Variants in FAN1 observed in about 807,000 individuals in gnomAD.
The protein encoded by FAN1 is fanconi-associated nuclease 1.
FAN1 carries 91 observed loss-of-function variants against 104.9 expected under a neutral mutation model. The ratio of observed to expected loss-of-function variants is 0.87; its 90% confidence interval spans 0.73 to 1.03. FAN1 has a LOEUF of 1.03. Ranked by LOEUF, FAN1 falls within the 50% of genes least tolerant of loss-of-function variation. FAN1 has a pLI of 0.00. For missense variants in FAN1, 1,263 were observed against 1,239.9 expected (o/e 1.02, Z -0.28); for synonymous variants, 478 against 457.6 (o/e 1.04, Z -0.57).
chr15:30,940,608 T>C, intron 14 of FAN1: 1 of 985,478 alleles, frequency 1.0e-6, no homozygotes, highest in Non-Finnish European at 1.2e-6. Flanking sequence ...TTGGCATAGA[T>C]GGCACTCTCC....
intron 13 of FAN1, among the ~76,000 whole-genome samples, chr15:30,932,341 T>C (rs1224292714): frequency 6.6e-6 from 1 of 151,824 alleles, no homozygotes; most frequent in African/African-American, 2.4e-5. Context: ...AAAATGGGAG[T>C]TGATTTTGTA....
intron 9 of FAN1, 50 bp from the exon 10 acceptor site, chr15:30,925,739 G>A (rs1418054333): frequency 1.2e-6 from 2 of 1,604,386 alleles, no homozygotes; most frequent in East Asian, 4.5e-5. Context: ...AGGTTTTCAG[G>A]GACTTTTGCT....
At chr15:30,933,885 T>G (rs1391653761) in intron 13 of FAN1, among the ~76,000 whole-genome samples, 2 of 152,108 alleles carry the variant, frequency 1.3e-5, no homozygotes, top group Non-Finnish European at 2.9e-5. Context: ...CTCAGCCTGT[T>G]GAGTAGCCCG....
rs538133762 is a variant in FAN1, at chr15:30,940,718, A to G, written c.*4-848A>G. ...CTGGGGACTCCTGGCTATGAAGCTT[A>G]GTATGAAAAGCCTATTTCAAATATG... is the stretch of plus-strand genomic sequence containing the variant. On this transcript the variant is annotated intron_variant, in intron 14 of 14. Transcript: ENST00000362065. The G allele has an allele frequency of 8.8e-5, 87 of 988,990 alleles. 1 individual carries two copies. The Admixed American group carries it at 4.2e-3, about 48-fold the overall frequency. The allele number at this position is 988,990 out of a possible 1,614,324, so 61.3% of individuals were successfully genotyped here.
rs2063055320 is a variant in FAN1 at position 30,941,592 on chromosome 15, A to C, written c.*30A>C. 1 of 1,599,662 alleles carries C rather than the reference A, an allele frequency of 6.3e-7. No homozygotes were observed. The highest frequency in any genetic ancestry group is 1.8e-5 in the Admixed American group (1 of 57,054). On this transcript the variant is annotated 3_prime_UTR_variant, in exon 15 of 15. Transcript: ENST00000362065. Reference sequence around the variant, plus strand: ...TTCCCTACAGGAGAAAATGGAAATGAGGAGGAGAGAAACTCCGGTGTCCCC... The same window carrying C: ...TTCCCTACAGGAGAAAATGGAAATGCGGAGGAGAGAAACTCCGGTGTCCCC...
At chr15:30,939,541 G>C in intron 14 of FAN1, 7 of 971,796 alleles carry the variant, frequency 7.2e-6, no homozygotes, top group Non-Finnish European at 8.6e-6. Flanking sequence ...AAAAATAAAA[G>C]TATTTTACAT....
At chr15:30,906,289 A>C (rs2061976997) in intron 2 of FAN1, 1 of 453,350 alleles carries the variant, frequency 2.2e-6, no homozygotes. Flanking sequence ...TGTTCCTCAA[A>C]GATGAAAGTA....
At position 30,929,397 on chromosome 15, in the gene FAN1, G is replaced by A; in HGVS notation, c.2787G>A (p.Gln929=). 6.3e-7 allele frequency: 1 copy of A among 1,597,180 alleles called. No individual in the cohort carries two copies. The highest frequency in any genetic ancestry group is 8.5e-7 in the Non-Finnish European group (1 of 1,170,542). Reference sequence around the variant, plus strand: ...GCTTCACGTCTCTTCAGCAAGCTCAGGTAATGGTTCACCTGCATGGCAGGA... The same window carrying A: ...GCTTCACGTCTCTTCAGCAAGCTCAAGTAATGGTTCACCTGCATGGCAGGA... The part of the protein sequence containing the change: ...WDRFTSLQQA[Q]DLVSCLGGPV... Residue 929 remains glutamine, a splice_region_variant and synonymous_variant, in exon 12 of 15, where the codon CAG becomes CAA. Transcript: ENST00000362065.
intron 12 of FAN1, 59 bp from the exon 13 acceptor site, chr15:30,930,484 G>C: frequency 6.5e-7 from 1 of 1,543,870 alleles, no homozygotes; most frequent in African/African-American, 1.4e-5. Flanking sequence ...GATCCCTGGA[G>C]CCTATTTCCA....
rs114680636 is a variant in FAN1 at position 30,937,260 on chromosome 15, G to A, written c.*3+1G>A. The A allele has an allele frequency of 1.9e-3, 3,067 of 1,608,026 alleles. 52 individuals are homozygous for A. In the African/African-American group the frequency reaches 0.036, roughly 19 times the overall value. ...TAAGAGCCAAAGCCTTAGCTAAAAGGTATGGAATTGGGGATATTTGGTCAT... is the reference window on the plus strand; with the variant it reads ...TAAGAGCCAAAGCCTTAGCTAAAAGATATGGAATTGGGGATATTTGGTCAT... On this transcript the variant is annotated splice_donor_variant, in intron 14 of 14. Transcript: ENST00000362065. LOFTEE classifies it low-confidence loss of function (3UTR_SPLICE).
At chr15:30,929,482 A>T in intron 12 of FAN1, 85 bp downstream of exon 12, 1 of 964,524 alleles carries the variant, frequency 1.0e-6, no homozygotes, top group South Asian at 1.7e-5. Context: ...ATCAAAATAC[A>T]CATGTGTGTA....
chr15:30,941,429 A>T, intron 14 of FAN1, 137 bp from the exon 15 acceptor site: 1 of 1,568,954 alleles, frequency 6.4e-7, no homozygotes, highest in Non-Finnish European at 8.6e-7. Flanking sequence ...AGAGGAAAAA[A>T]GTTGACAGCT....
chr15:30,925,187 T>G lies in FAN1; in HGVS notation c.2233T>G (p.Ser745Ala). ...DPEVRTGHRL[S>A]LYQRAVRLRE... ...GGAAGTCAGAACGGGACACCGCCTTTCACTGTATCAGCGAGCCGTGCGCCT... is the reference window on the plus strand; with the variant it reads ...GGAAGTCAGAACGGGACACCGCCTTGCACTGTATCAGCGAGCCGTGCGCCT... Residue 745 changes from serine (S) to alanine (A), a missense_variant, in exon 9 of 15, where the codon TCA becomes GCA. Physicochemically the swap from Ser to Ala is moderately conservative, Grantham distance 99. Around this residue, in one of 2 missense-constraint regions of FAN1, gnomAD observed 581 missense variants for 668.8 expected, o/e 0.87. Transcript: ENST00000362065. 1 of 1,614,066 alleles carries G rather than the reference T, an allele frequency of 6.2e-7. No individual in the cohort carries two copies. Among genetic ancestry groups the G allele is most frequent in the South Asian group, 1.1e-5 (1 of 91,074 alleles).
chr15:30,911,791 C>T (rs982609073), intron 4 of FAN1: 12 of 870,546 alleles, frequency 1.4e-5, no homozygotes, highest in Middle Eastern at 5.8e-4. Context: ...TGGCTGGGCA[C>T]AGTGGCTCAC....
intron 12 of FAN1, among the ~76,000 whole-genome samples, chr15:30,929,805 A>ATGT (rs1566930435): frequency 1.4e-5 from 1 of 72,406 alleles, no homozygotes; most frequent in African/African-American, 7.3e-5. Context: ...ATAATATATA[A>ATGT]AATATATAAT....
At chr15:30,912,662 G>A (rs755763420) in intron 4 of FAN1, among the ~76,000 whole-genome samples, 7 of 152,156 alleles carry the variant, frequency 4.6e-5, no homozygotes, top group Admixed American at 1.3e-4. Context: ...GCACCAGAAG[G>A]GTGTGACATC....
Position 30,925,957 on chromosome 15 carries a change from C to T in FAN1, c.2488+18C>T, listed in dbSNP as rs1179718070. The T allele has an allele frequency of 1.2e-6, 2 of 1,613,514 alleles. No homozygotes were observed. The highest frequency in any genetic ancestry group is 1.7e-6 in the Non-Finnish European group (2 of 1,179,580). ...TGACCAGGGTAACTGAGCAGGCTTT[C>T]TCTTGTGGCACCCAGCCCCGGGTGG... On this transcript the variant is annotated intron_variant, in intron 10 of 14. Coordinates refer to ENST00000362065, the MANE Select transcript of FAN1 (RefSeq NM_014967.5).
rs185356788 is a variant in FAN1 at position 30,931,924 on chromosome 15, A to G, written c.2916+1253A>G. ...ACATCAAATTTTAAGTTTCCAAGAA[A>G]AAAAAAAGCCAGCTGAGGCCGGGTA... On this transcript the variant is annotated intron_variant, in intron 13 of 14. Transcript: ENST00000362065. 3.2e-3 allele frequency among the ~76,000 whole-genome samples: 480 copies of G among 151,866 alleles called. 1 individual carries two copies. Among genetic ancestry groups the G allele is most frequent in the African/African-American group, 0.01 (433 of 41,372 alleles).
At chr15:30,927,699 G>C in intron 10 of FAN1, 1 of 985,626 alleles carries the variant, frequency 1.0e-6, no homozygotes, top group Non-Finnish European at 1.2e-6. Context: ...CCTCTGGCCA[G>C]TGGTCTTGTG....
Sources: allele counts gnomAD v4.1 joint callset (sites outside exome capture counted in the v4.1 genomes callset), GRCh38; gene constraint gnomAD v4.1.1; regional missense constraint gnomAD v4.1.1; transcripts MANE v1.5; gene names NCBI Gene and HGNC (gene_info 2026-07-23, HGNC 2026-07-21).